The following QRICH2 variants were observed in gnomAD, a reference collection of about 807,000 sequenced individuals.
The protein encoded by QRICH2 is glutamine rich 2.
A neutral mutation model predicts 168.3 loss-of-function variants in QRICH2; 119 were observed. The ratio of observed to expected loss-of-function variants is 0.71; its 90% CI spans 0.61 to 0.82. The LOEUF (loss-of-function observed/expected upper bound fraction) is 0.82, where lower values mean the gene tolerates loss of function less well. QRICH2 is among the 40% of genes least tolerant of loss of function. The pLI is 0.00. For missense variants in QRICH2, 2,241 were observed against 2,491.6 expected (o/e 0.90, Z 2.14); for synonymous variants, 894 against 951.2 (o/e 0.94, Z 1.11).
rs370721550 is a variant in QRICH2 at position 76,291,061 on chromosome 17, G to A, written c.3666C>T (p.Ala1222=). ...GGATCTTCTCCAAGTCGGTTTGGCCGGCCTGCTCCTCATCCAGATCCTTCA... is the reference window on the plus strand; with the variant it reads ...GGATCTTCTCCAAGTCGGTTTGGCCAGCCTGCTCCTCATCCAGATCCTTCA... ...ESMKDLDEEQ[A]GQTDLEKIQF... Residue 1222 remains alanine, a synonymous_variant, in exon 4 of 19, where the codon GCC becomes GCT. Coordinates refer to ENST00000680821, the MANE Select transcript of QRICH2 (RefSeq NM_001388453.1). The A allele has an allele frequency of 9.9e-6, 16 of 1,613,906 alleles. No homozygotes were observed. The highest frequency in any genetic ancestry group is 5.3e-5 in the African/African-American group (4 of 74,896).
intron 1 of QRICH2, among the ~76,000 whole-genome samples, chr17:76,306,596 C>G (rs577831333): frequency 6.6e-6 from 1 of 152,230 alleles, no homozygotes; most frequent in East Asian, 1.9e-4. Context: ...AACAAAAGTC[C>G]AGTTGAAGGC....
At chr17:76,299,782 G>C (rs896004004) in intron 3 of QRICH2, among the ~76,000 whole-genome samples, 3 of 151,548 alleles carry the variant, frequency 2.0e-5, no homozygotes, top group Non-Finnish European at 4.4e-5. Context: ...AACACAAAAG[G>C]AATGGACTAG....
chr17:76,306,951 A>T (rs2071000062), intron 1 of QRICH2, among the ~76,000 whole-genome samples: 2 of 151,546 alleles, frequency 1.3e-5, no homozygotes, highest in Admixed American at 1.3e-4. Context: ...TGGCCATAGG[A>T]AGCTGAGGTC....
Position 76,292,028 on chromosome 17 carries a change from C to T in QRICH2, c.2699G>A (p.Gly900Asp). The change falls in exon 4 of 19, where the codon GGT (glycine) becomes GAT (aspartate). Residue 900 changes from glycine to aspartate, a missense_variant. Transcript: ENST00000680821. The part of the protein sequence containing the change: ...GLIQPGADQP[G>D]LVQPGAGQLG... Reference sequence around the variant, plus strand: ...CTGACCTGCACCAGGCTGGACCAAACCAGGCTGATCTGCACCAGGTTGGAT... The same window carrying T: ...CTGACCTGCACCAGGCTGGACCAAATCAGGCTGATCTGCACCAGGTTGGAT... 1.2e-6 allele frequency: 2 copies of T among 1,614,234 alleles called. No homozygotes were observed. Among genetic ancestry groups the T allele is most frequent in the Middle Eastern group, 1.6e-4 (1 of 6,062 alleles).
chr17:76,294,795 A>G (rs992594216), intron 3 of QRICH2, among the ~76,000 whole-genome samples: 3 of 148,014 alleles, frequency 2.0e-5, no homozygotes, highest in Non-Finnish European at 4.4e-5. Context: ...CCTGGGTGAC[A>G]GAGTGAGACT....
At chr17:76,277,361 A>C (rs759509812) in intron 15 of QRICH2, 51 bp from the exon 16 acceptor site, 2 of 1,584,898 alleles carry the variant, frequency 1.3e-6, no homozygotes, top group Non-Finnish European at 1.7e-6. Flanking sequence ...CAGGGATGTC[A>C]CCTGGGACTC....
intron 3 of QRICH2, among the ~76,000 whole-genome samples, chr17:76,297,621 A>G (rs2070818018): frequency 6.6e-6 from 1 of 152,228 alleles, no homozygotes; most frequent in African/African-American, 2.4e-5. Flanking sequence ...ATGACCCATA[A>G]TGAGGAGATA....
At position 76,292,841 on chromosome 17, in the gene QRICH2, C is replaced by T. The variant is rs2071035530; in HGVS notation, c.1886G>A (p.Gly629Asp). ...CTGATCTCTACCAGGTTGGGCCAAA[C>T]CAGACTGATCCATTCCAGGCCAGAC... ...GLVWPGMDQS[G>D]LAQPGRDQHG... The change falls in exon 4 of 19, where the codon GGT becomes GAT. Residue 629 changes from glycine (G) to aspartate (D), a missense_variant. Around this residue, in one of 3 missense-constraint regions of QRICH2, gnomAD observed 2,047 missense variants for 2,303.8 expected, o/e 0.89. Coordinates refer to ENST00000680821, the MANE Select transcript of QRICH2 (RefSeq NM_001388453.1). 1 of 1,603,106 alleles carries T rather than the reference C, an allele frequency of 6.2e-7. No individual in the cohort carries two copies. Among genetic ancestry groups the T allele is most frequent in the Middle Eastern group, 1.7e-4 (1 of 6,014 alleles).
intron 3 of QRICH2, among the ~76,000 whole-genome samples, chr17:76,297,868 C>CTTTTTTTTTTTT (rs1344325680): frequency 1.0e-5 from 1 of 95,966 alleles, no homozygotes; most frequent in African/African-American, 4.4e-5. Flanking sequence ...ACTTAGGAAT[C>CTTTTTTTTTTTT]TGTTTTTTTT....
At chr17:76,306,463 A>C (rs1405983830) in intron 1 of QRICH2, among the ~76,000 whole-genome samples, 1 of 152,068 alleles carries the variant, frequency 6.6e-6, no homozygotes. Flanking sequence ...TTTCAGAACC[A>C]ACCTAAGGTG....
rs773922380 is a variant in QRICH2 at position 76,307,415 on chromosome 17, C to A, written c.534+50G>T. The A allele has an allele frequency of 1.5e-5, 24 of 1,593,222 alleles. No individual in the cohort carries two copies. The Middle Eastern group carries it at 8.3e-4, about 55-fold the overall frequency. ...TGGGGACTCGGCTAGGCCTGGAGGG[C>A]GGCCTGGAGGAGGCAGACGGCCTGC... On this transcript the variant is annotated intron_variant, in intron 1 of 18. Transcript: ENST00000680821. The surrounding 1 kb of genome is among the most constrained non-coding windows in gnomAD (Gnocchi z 5.3).
Position 76,284,168 on chromosome 17 carries a change from C to CAAAAAA in QRICH2, c.4012-2059_4012-2054dup, listed in dbSNP as rs61553346. 1.1e-4 allele frequency among the ~76,000 whole-genome samples: 7 copies of CAAAAAA among 62,742 alleles called. 1 individual carries two copies. The highest frequency in any genetic ancestry group is 3.6e-4 in the Admixed American group (2 of 5,602). 41.2% of individuals were successfully genotyped at this position (62,742 alleles called of 152,430 possible). A position where few individuals can be genotyped will look rare whatever the true frequency, so the allele number is the denominator to read the frequency against. On this transcript the variant is annotated intron_variant, in intron 7 of 18. Coordinates refer to ENST00000680821, the MANE Select transcript of QRICH2 (RefSeq NM_001388453.1). ...GGGCAACAGAGCAAAACTCTGTCTC[C>CAAAAAA]AAAAAAAAAAAAAAAAAAAAAAAAA...
Position 76,280,786 on chromosome 17 carries a change from C to A in QRICH2, c.4386+45G>T, listed in dbSNP as rs780251468. On this transcript the variant is annotated intron_variant, in intron 9 of 18. Coordinates refer to ENST00000680821, the MANE Select transcript of QRICH2 (RefSeq NM_001388453.1). This position sits in a 1 kb window ranked among gnomAD's most constrained non-coding sequence, Gnocchi z 7.4. ...GCCAGCAGCTGCGGGGCTAGGGCACCACATTGAGCCCCGGCCCCATCCCAG... is the reference window on the plus strand; with the variant it reads ...GCCAGCAGCTGCGGGGCTAGGGCACAACATTGAGCCCCGGCCCCATCCCAG... 5 of 1,613,846 alleles carry A rather than the reference C, an allele frequency of 3.1e-6. No homozygotes were observed. The East Asian group carries it at 8.9e-5, about 29-fold the overall frequency.
At chr17:76,306,995 C>A (rs970099705) in intron 1 of QRICH2, among the ~76,000 whole-genome samples, 1 of 152,132 alleles carries the variant, frequency 6.6e-6, no homozygotes, top group Non-Finnish European at 1.5e-5. Context: ...TCTCTGGGAG[C>A]CTTTGTCCTC....
At chr17:76,297,456 G>C (rs1598499093) in intron 3 of QRICH2, among the ~76,000 whole-genome samples, 1 of 152,062 alleles carries the variant, frequency 6.6e-6, no homozygotes, top group African/African-American at 2.4e-5. Flanking sequence ...GCAGTGAGCA[G>C]AGATTGTGCC....
At position 76,293,731 on chromosome 17, in the gene QRICH2, T is replaced by C; in HGVS notation, c.996A>G (p.Thr332=). Residue 332 remains threonine, a synonymous_variant, in exon 4 of 19, where the codon ACA becomes ACG. Transcript: ENST00000680821. ...GATCTGAGTCTGATTTGAATTGGAA[T>C]GTAGAAGACTGATGGAGTCGTGGCA... ...AGVPRLHQSS[T]FQFKSDSDRH... 1 of 1,614,164 alleles carries C rather than the reference T, an allele frequency of 6.2e-7. No homozygotes were observed. The highest frequency in any genetic ancestry group is 1.1e-5 in the South Asian group (1 of 91,082).
Position 76,289,762 on chromosome 17 carries a change from A to AC in QRICH2, c.3798+229dup, listed in dbSNP as rs2070953955. Among the ~76,000 whole-genome samples the AC allele has an allele frequency of 8.6e-5, 13 of 151,988 alleles. No individual in the cohort carries two copies. In the South Asian group the frequency reaches 2.7e-3, roughly 32 times the overall value. Reference sequence around the variant, plus strand: ...AGACCAGGCTGACCAACATGGAGAAACCCCATCTCTACTAATAATAATACA... The same window carrying AC: ...AGACCAGGCTGACCAACATGGAGAAACCCCCATCTCTACTAATAATAATACA... On this transcript the variant is annotated intron_variant, in intron 5 of 18. Coordinates refer to ENST00000680821, the MANE Select transcript of QRICH2 (RefSeq NM_001388453.1).
At chr17:76,298,658 C>G (rs1391352771) in intron 3 of QRICH2, among the ~76,000 whole-genome samples, 1 of 152,050 alleles carries the variant, frequency 6.6e-6, no homozygotes. Context: ...CTCTGTCGCC[C>G]AGGCTGGAGT....
chr17:76,278,004 G>C lies in QRICH2; in HGVS notation c.5102C>G (p.Ser1701Cys). 1 of 1,612,202 alleles carries C rather than the reference G, an allele frequency of 6.2e-7. No homozygotes were observed. Among genetic ancestry groups the C allele is most frequent in the Non-Finnish European group, 8.5e-7 (1 of 1,180,028 alleles). ...RELLHAQCLGSPCYKRVTDMA... is the reference protein window; with the variant it reads ...RELLHAQCLGCPCYKRVTDMA... ...TCTCCTGTACCGTTTGTAGCAGGGG[G>C]AGCCCAGGCACTGGGCGTGCAGCAG... Residue 1701 changes from serine to cysteine, a missense_variant, in exon 15 of 19, where the codon TCC becomes TGC. Ser to Cys is a moderately radical substitution (Grantham distance 112). This residue lies in a region of QRICH2 where 2,047 missense variants were observed against 2,303.8 expected (regional missense o/e 0.89). Coordinates refer to ENST00000680821, the MANE Select transcript of QRICH2 (RefSeq NM_001388453.1).
Sources: gnomAD v4.1 joint callset for allele counts (sites outside exome capture counted in the v4.1 genomes callset) on GRCh38, gnomAD v4.1.1 for gene constraint, gnomAD v4.1.1 regional missense constraint, Gnocchi (gnomAD v3.1) non-coding constraint, MANE v1.5 for transcripts, NCBI Gene and HGNC (gene_info 2026-07-23, HGNC 2026-07-21) for gene names.